The following LEF1 variants were observed in gnomAD, a reference collection of about 807,000 sequenced individuals.
LEF1 encodes lymphoid enhancer binding factor 1, also known as lymphoid enhancer-binding factor 1.
Under a neutral mutation model 51.2 loss-of-function variants are expected in LEF1, and 14 were observed. The observed-to-expected ratio is 0.27, with a 90% confidence interval of 0.18 to 0.43. The LOEUF is 0.43. Among genes scored for constraint, LEF1 ranks in the 20% least tolerant of loss-of-function variants. LEF1 has a pLI of 1.00. For missense variants in LEF1, 386 were observed against 512.0 expected (o/e 0.75, Z 2.37); for synonymous variants, 185 against 183.2 (o/e 1.01, Z -0.08).
intron 8 of LEF1, among the ~76,000 whole-genome samples, chr4:108,074,699 G>T (rs1022592234): frequency 6.6e-6 from 1 of 152,182 alleles, no homozygotes; most frequent in Non-Finnish European, 1.5e-5. Flanking sequence ...CTTAATCAAA[G>T]ATCTCAGAGA....
intron 3 of LEF1, among the ~76,000 whole-genome samples, chr4:108,106,003 C>T (rs1001285761): frequency 3.3e-5 from 5 of 152,146 alleles, no homozygotes; most frequent in Admixed American, 1.3e-4. Context: ...GGTCTGCAGT[C>T]GGGCTCCAAA....
intron 1 of LEF1, chr4:108,166,538 G>A: frequency 7.8e-7 from 1 of 1,284,164 alleles, no homozygotes; most frequent in Non-Finnish European, 9.9e-7. Flanking sequence ...TCGGGTATCA[G>A]GGTCCATCCG....
At chr4:108,155,322 T>C (rs1395526144) in intron 3 of LEF1, among the ~76,000 whole-genome samples, 1 of 152,180 alleles carries the variant, frequency 6.6e-6, no homozygotes, top group African/African-American at 2.4e-5. Context: ...CATGGTGGAT[T>C]ACGGTGCTAA....
chr4:108,054,278 T>G (rs1737185287), intron 11 of LEF1, among the ~76,000 whole-genome samples: 1 of 152,144 alleles, frequency 6.6e-6, no homozygotes, highest in African/African-American at 2.4e-5. Context: ...CTGCGGGATG[T>G]GGGAGACGTA....
chr4:108,063,520 GGAGC>G, intron 11 of LEF1, 99 bp downstream of exon 11: 1 of 872,978 alleles, frequency 1.1e-6, no homozygotes. Context: ...TCCTCTTTAA[GGAGC>G]AATGTCGAAT....
chr4:108,166,520 G>A, intron 1 of LEF1: 1 of 1,322,120 alleles, frequency 7.6e-7, no homozygotes, highest in Non-Finnish European at 9.7e-7. Flanking sequence ...AGGGTGACCA[G>A]TGGAGTGTCG....
At chr4:108,132,231 C>A (rs144016321) in intron 3 of LEF1, among the ~76,000 whole-genome samples, 1 of 152,162 alleles carries the variant, frequency 6.6e-6, no homozygotes, top group Non-Finnish European at 1.5e-5. Flanking sequence ...ATTCTGGAGA[C>A]GATTCTGTTC....
chr4:108,077,364 G>A lies in LEF1; in HGVS notation c.1008+856C>T, dbSNP rs78510515. 5.5e-4 allele frequency among the ~76,000 whole-genome samples: 83 copies of A among 151,936 alleles called. 1 individual carries two copies. The highest frequency in any genetic ancestry group is 1.6e-3 in the African/African-American group (65 of 41,446). On this transcript the variant is annotated intron_variant, in intron 8 of 11. Coordinates refer to ENST00000265165, the MANE Select transcript of LEF1 (RefSeq NM_016269.5). ...TGGTAAGAGAGAAGCGCCTCTGCCC[G>A]GCTGCCGCCCTGTCTGGGAGGTGAG...
At chr4:108,149,435 G>T (rs1744207478) in intron 3 of LEF1, among the ~76,000 whole-genome samples, 2 of 125,008 alleles carry the variant, frequency 1.6e-5, no homozygotes, top group South Asian at 5.0e-4. Flanking sequence ...CTCCAGCCTG[G>T]GCGACAGAGC....
At chr4:108,147,181 T>A (rs1306089892) in intron 3 of LEF1, among the ~76,000 whole-genome samples, 1 of 152,048 alleles carries the variant, frequency 6.6e-6, no homozygotes, top group Non-Finnish European at 1.5e-5. Flanking sequence ...TGTTCAGGGA[T>A]ACATGGCTAG....
intron 3 of LEF1, among the ~76,000 whole-genome samples, chr4:108,132,326 G>A (rs1262860271): frequency 6.6e-6 from 1 of 152,076 alleles, no homozygotes; most frequent in African/African-American, 2.4e-5. Flanking sequence ...TCTTACCCAT[G>A]TCTTAAAGCA....
chr4:108,065,845 G>C (rs1267560840), intron 9 of LEF1, among the ~76,000 whole-genome samples: 1 of 152,082 alleles, frequency 6.6e-6, no homozygotes, highest in Non-Finnish European at 1.5e-5. Flanking sequence ...GCGGACCATG[G>C]CTATACGCTA....
At chr4:108,053,068 T>C (rs921173780) in intron 11 of LEF1, among the ~76,000 whole-genome samples, 1 of 152,076 alleles carries the variant, frequency 6.6e-6, no homozygotes, top group Non-Finnish European at 1.5e-5. Context: ...CACTTTCTTC[T>C]CTCCTTCCTA....
intron 3 of LEF1, among the ~76,000 whole-genome samples, chr4:108,141,951 A>C (rs1387663383): frequency 2.6e-5 from 4 of 152,212 alleles, no homozygotes; most frequent in Non-Finnish European, 5.9e-5. Flanking sequence ...CCAGAAAAAA[A>C]ATTATGTAAG....
At chr4:108,099,570 G>GTGTGTATATATATATA (rs1266681210) in intron 3 of LEF1, among the ~76,000 whole-genome samples, 2 of 70,196 alleles carry the variant, frequency 2.8e-5, no homozygotes, top group Non-Finnish European at 5.8e-5. Context: ...GTGTGTGTGT[G>GTGTGTATATATATATA]TATATATATA....
chr4:108,158,857 A>G (rs1451372678), intron 3 of LEF1, among the ~76,000 whole-genome samples: 1 of 152,164 alleles, frequency 6.6e-6, no homozygotes. Context: ...CTCGGACCAC[A>G]GGGAAGACTC....
At chr4:108,123,961 G>A (rs1442553254) in intron 3 of LEF1, among the ~76,000 whole-genome samples, 1 of 151,966 alleles carries the variant, frequency 6.6e-6, no homozygotes, top group Non-Finnish European at 1.5e-5. Context: ...GGACAACATA[G>A]AGAAACCCCC....
At chr4:108,055,359 T>C (rs1206827974) in intron 11 of LEF1, among the ~76,000 whole-genome samples, 1 of 152,232 alleles carries the variant, frequency 6.6e-6, no homozygotes, top group Non-Finnish European at 1.5e-5. Context: ...GTGGCATATA[T>C]AATATTCACT....
At chr4:108,052,104 C>T (rs745594736) in intron 11 of LEF1, among the ~76,000 whole-genome samples, 4 of 152,158 alleles carry the variant, frequency 2.6e-5, no homozygotes, top group Admixed American at 1.3e-4. Context: ...TGGGTGAGCT[C>T]TGAGGTGGTG....
Sources: gnomAD v4.1 joint callset for allele counts (sites outside exome capture counted in the v4.1 genomes callset) on GRCh38, gnomAD v4.1.1 for gene constraint, MANE v1.5 for transcripts, NCBI Gene and HGNC (gene_info 2026-07-23, HGNC 2026-07-21) for gene names.